CLCN3: variants seen among roughly 807,000 people sequenced by gnomAD.
CLCN3 encodes Cl-/H+ antiporter 3, also known as H(+)/Cl(-) exchange transporter 3.
CLCN3 carries 16 observed loss-of-function variants against 83.4 expected under a neutral mutation model. That is an observed-to-expected ratio of 0.19 (90% confidence interval 0.13 to 0.29). The LOEUF is 0.29. CLCN3 is among the 10% of genes least tolerant of loss of function. CLCN3 has a pLI of 1.00. For missense variants in CLCN3, 544 were observed against 1,006.0 expected (o/e 0.54, Z 6.21); for synonymous variants, 322 against 346.2 (o/e 0.93, Z 0.78).
chr4:169,621,803 AT>A (rs946469923), intron 1 of CLCN3, among the ~76,000 whole-genome samples: 5 of 151,758 alleles, frequency 3.3e-5, no homozygotes, highest in South Asian at 2.1e-4. Flanking sequence ...AATTTAGAAG[AT>A]TTTTTTTTAT....
chr4:169,697,774 A>C, intron 9 of CLCN3, 40 bp downstream of exon 9: 1 of 1,423,490 alleles, frequency 7.0e-7, no homozygotes, highest in Non-Finnish European at 9.6e-7. Context: ...TAATTTTGGC[A>C]TGTTCAAAAC....
chr4:169,621,604 G>A (rs1159693131), intron 1 of CLCN3, among the ~76,000 whole-genome samples: 1 of 152,106 alleles, frequency 6.6e-6, no homozygotes, highest in Non-Finnish European at 1.5e-5. Flanking sequence ...GTTTCCTTTA[G>A]AAAGAAATTC....
chr4:169,665,233 T>G (rs1237618354), intron 2 of CLCN3, among the ~76,000 whole-genome samples: 1 of 152,182 alleles, frequency 6.6e-6, no homozygotes, highest in Non-Finnish European at 1.5e-5. Flanking sequence ...TATTTTGAGG[T>G]GGCAACAGAA....
At position 169,719,946 on chromosome 4, in the gene CLCN3, G is replaced by A. The variant is rs570064146; in HGVS notation, c.2406G>A (p.Arg802=). The A allele has an allele frequency of 6.2e-7, 1 of 1,613,662 alleles. No homozygotes were observed. The highest frequency in any genetic ancestry group is 1.3e-5 in the African/African-American group (1 of 74,930). ...LGIITKKDIL[R]HMAQTANQDP... ...TTATAACAAAAAAAGATATCCTCCG[G>A]CATATGGCCCAGACGGCAAACCAAG... is the stretch of plus-strand genomic sequence containing the variant. Residue 802 remains arginine, a synonymous_variant, in exon 13 of 13, where the codon CGG becomes CGA. Coordinates refer to ENST00000513761, the MANE Select transcript of CLCN3 (RefSeq NM_001829.4).
chr4:169,669,779 C>T (rs1052686263), intron 2 of CLCN3, among the ~76,000 whole-genome samples: 1 of 152,174 alleles, frequency 6.6e-6, no homozygotes, highest in African/African-American at 2.4e-5. Context: ...GTTGGTTCTT[C>T]ATCAGGCTTG....
At chr4:169,631,465 T>C (rs1773368250) in intron 1 of CLCN3, among the ~76,000 whole-genome samples, 1 of 152,104 alleles carries the variant, frequency 6.6e-6, no homozygotes, top group South Asian at 2.1e-4. Context: ...TTTTTTTGTA[T>C]TTTTAGTAGA....
At chr4:169,625,315 C>G (rs1173370267) in intron 1 of CLCN3, among the ~76,000 whole-genome samples, 2 of 152,166 alleles carry the variant, frequency 1.3e-5, no homozygotes, top group Non-Finnish European at 2.9e-5. Context: ...AGTTGACTGA[C>G]ACACCTTTGG....
At chr4:169,709,644 A>T (rs35695165) in intron 11 of CLCN3, among the ~76,000 whole-genome samples, 28,623 of 151,130 alleles carry the variant, frequency 0.19, 3,492 homozygotes, top group South Asian at 0.32. Context: ...CCACCACTGC[A>T]CTCCAGCCTG....
At chr4:169,674,949 C>T (rs540648857) in intron 2 of CLCN3, among the ~76,000 whole-genome samples, 1 of 152,218 alleles carries the variant, frequency 6.6e-6, no homozygotes, top group African/African-American at 2.4e-5. Flanking sequence ...GCCATGTTGC[C>T]CAGGCTGGTC....
chr4:169,713,956 G>A (rs967511290), intron 12 of CLCN3, among the ~76,000 whole-genome samples: 3 of 152,112 alleles, frequency 2.0e-5, no homozygotes, highest in Non-Finnish European at 4.4e-5. Flanking sequence ...AACTGCCAGT[G>A]TTTCTCCATT....
chr4:169,684,963 C>A (rs1208973633), intron 3 of CLCN3, among the ~76,000 whole-genome samples: 2 of 149,144 alleles, frequency 1.3e-5, no homozygotes, highest in Non-Finnish European at 3.0e-5. Context: ...TGCACACCAC[C>A]ATGCCTGGCT....
intron 1 of CLCN3, among the ~76,000 whole-genome samples, chr4:169,632,704 G>C (rs905246931): frequency 4.5e-5 from 5 of 112,308 alleles, no homozygotes; most frequent in African/African-American, 1.6e-4. Context: ...GTGACAGAGC[G>C]AGACTCCATC....
intron 12 of CLCN3, among the ~76,000 whole-genome samples, chr4:169,714,405 A>G (rs1733346943): frequency 6.6e-6 from 1 of 152,034 alleles, no homozygotes; most frequent in African/African-American, 2.4e-5. Context: ...ACACCTTCAT[A>G]TTTTCTCATT....
At chr4:169,623,684 T>A (rs1773162361) in intron 1 of CLCN3, among the ~76,000 whole-genome samples, 1 of 152,206 alleles carries the variant, frequency 6.6e-6, no homozygotes, top group African/African-American at 2.4e-5. Flanking sequence ...CTCCCTAGCC[T>A]TTGTAGACCA....
chr4:169,707,612 C>A (rs1249415476), intron 11 of CLCN3, among the ~76,000 whole-genome samples: 5 of 152,110 alleles, frequency 3.3e-5, no homozygotes, highest in Admixed American at 6.5e-5. Flanking sequence ...CAAATACATT[C>A]TTGTATTTAA....
rs1031550121 is a variant in CLCN3, at chr4:169,703,852, G to T, written c.1564-146G>T. 4 of 712,274 alleles carry T rather than the reference G, an allele frequency of 5.6e-6. No homozygotes were observed. In the African/African-American group the frequency reaches 7.2e-5, roughly 13 times the overall value. The allele number at this position is 712,274 out of a possible 1,614,324, so 44.1% of individuals were successfully genotyped here. A position where few individuals can be genotyped will look rare whatever the true frequency, so the allele number is the denominator to read the frequency against. On this transcript the variant is annotated intron_variant, in intron 9 of 12. Coordinates refer to ENST00000513761, the MANE Select transcript of CLCN3 (RefSeq NM_001829.4). Reference sequence around the variant, plus strand: ...TGGGATTGTTAAGGTACAAGATTTTGCTTTAGTTTTATTTGTACTAGGATT... The same window carrying T: ...TGGGATTGTTAAGGTACAAGATTTTTCTTTAGTTTTATTTGTACTAGGATT...
chr4:169,704,104 T>A lies in CLCN3; in HGVS notation c.1670T>A (p.Ile557Asn). The change falls in exon 10 of 13, where the codon ATC becomes AAC. Residue 557 changes from isoleucine (I) to asparagine (N), a missense_variant. Coordinates refer to ENST00000513761, the MANE Select transcript of CLCN3 (RefSeq NM_001829.4). The part of the protein sequence containing the change: ...QLAYYHHDWF[I>N]FKEWCEVGAD... ...GCCTACTATCACCACGACTGGTTTATCTTTAAGGAGTGGTGTGAGGTCGGG... is the reference window on the plus strand; with the variant it reads ...GCCTACTATCACCACGACTGGTTTAACTTTAAGGAGTGGTGTGAGGTCGGG... 6.2e-7 allele frequency: 1 copy of A among 1,613,952 alleles called. No individual in the cohort carries two copies. Among genetic ancestry groups the A allele is most frequent in the East Asian group, 2.2e-5 (1 of 44,896 alleles).
chr4:169,689,112 G>C lies in CLCN3; in HGVS notation c.488G>C (p.Ser163Thr). The C allele has an allele frequency of 6.2e-7, 1 of 1,613,836 alleles. No homozygotes were observed. The highest frequency in any genetic ancestry group is 8.5e-7 in the Non-Finnish European group (1 of 1,179,910). The change falls in exon 5 of 13, where the codon AGT (serine) becomes ACT (threonine). Residue 163 changes from serine (S) to threonine (T), a missense_variant. Around this residue, in one of 6 missense-constraint regions of CLCN3, gnomAD observed 96 missense variants for 202.1 expected, o/e 0.48. Coordinates refer to ENST00000513761, the MANE Select transcript of CLCN3 (RefSeq NM_001829.4). Reference protein sequence around the residue: ...MTDLKEGICLSALWYNHEQCC... With the variant: ...MTDLKEGICLTALWYNHEQCC... ...GACCTAAAGGAGGGCATTTGCCTTA[G>C]TGCGTTGTGGTACAACCACGAACAG... is the stretch of plus-strand genomic sequence containing the variant.
intron 11 of CLCN3, among the ~76,000 whole-genome samples, chr4:169,709,928 G>T (rs1581279904): frequency 6.7e-6 from 1 of 148,194 alleles, no homozygotes; most frequent in Non-Finnish European, 1.5e-5. Context: ...CAAGACCTTT[G>T]TCTCTACCAA....
Sources: allele counts gnomAD v4.1 joint callset (sites outside exome capture counted in the v4.1 genomes callset), GRCh38; gene constraint gnomAD v4.1.1; regional missense constraint gnomAD v4.1.1; transcripts MANE v1.5; gene names NCBI Gene and HGNC (gene_info 2026-07-23, HGNC 2026-07-21).